The following COBLL1 variants were observed in gnomAD, a reference collection of about 807,000 sequenced individuals.
The protein encoded by COBLL1 is cordon-bleu WH2 repeat protein like 1.
In COBLL1, 50 loss-of-function variants were observed where a neutral mutation model predicts 94.8. That is an observed-to-expected ratio of 0.53 (90% CI 0.42 to 0.67). The LOEUF is 0.67. Among genes scored for constraint, COBLL1 ranks in the 30% least tolerant of loss-of-function variants. The pLI, the probability that COBLL1 is intolerant of heterozygous loss-of-function variation, is 0.00. For synonymous variants in COBLL1, 448 were observed against 473.8 expected (o/e 0.95, Z 0.71); for missense variants, 1,362 against 1,348.7 (o/e 1.01, Z -0.15).
chr2:164,725,107 T>G (rs1454778507), intron 5 of COBLL1: 1 of 89,762 alleles, frequency 1.1e-5, no homozygotes, highest in Admixed American at 1.0e-4. Context: ...GCAGGATATA[T>G]ATATATATAT....
At chr2:164,759,032 A>G (rs754950166) in intron 2 of COBLL1, among the ~76,000 whole-genome samples, 42 of 152,154 alleles carry the variant, frequency 2.8e-4, no homozygotes, top group Admixed American at 1.3e-4. Context: ...TTATTAAAAT[A>G]TATGCACATA....
At position 164,841,407 on chromosome 2, in the gene COBLL1, G is replaced by A. The variant is rs1683608397; in HGVS notation, c.-50-161C>T. The A allele has an allele frequency of 6.9e-6, 8 of 1,166,478 alleles. No individual in the cohort carries two copies. Among genetic ancestry groups the A allele is most frequent in the Non-Finnish European group, 8.5e-6 (8 of 946,624 alleles). 72.3% of individuals were successfully genotyped at this position (1,166,478 alleles called of 1,614,324 possible). A position where few individuals can be genotyped will look rare whatever the true frequency, so the allele number is the denominator to read the frequency against. ...GCGGGCCCCGGCTCCCAGCCCGCGG[G>A]CGCCGCCGCCGTCTCTACAAGGTCT... On this transcript the variant is annotated intron_variant, in intron 1 of 13. Transcript: ENST00000652658. This position sits in a 1 kb window ranked among gnomAD's most constrained non-coding sequence, Gnocchi z 5.5.
At chr2:164,748,573 G>A (rs995934999) in intron 2 of COBLL1, among the ~76,000 whole-genome samples, 7 of 152,098 alleles carry the variant, frequency 4.6e-5, no homozygotes, top group South Asian at 2.1e-4. Flanking sequence ...TGCCATTGAA[G>A]CCTCCTCACC....
At chr2:164,837,359 A>G (rs891413700) in intron 2 of COBLL1, 2 of 381,640 alleles carry the variant, frequency 5.2e-6, no homozygotes, top group African/African-American at 4.3e-5. Flanking sequence ...ATGTCACTTT[A>G]CTAAGTACTA....
intron 11 of COBLL1, chr2:164,698,230 C>T (rs1684055310): frequency 1.3e-5 from 2 of 151,794 alleles, no homozygotes; most frequent in Admixed American, 6.6e-5. Flanking sequence ...CATCACAGTA[C>T]ATGCTGTGAA....
At chr2:164,788,690 T>C (rs1316174824) in intron 2 of COBLL1, among the ~76,000 whole-genome samples, 1 of 152,050 alleles carries the variant, frequency 6.6e-6, no homozygotes, top group Non-Finnish European at 1.5e-5. Flanking sequence ...AATAAATGCA[T>C]GAAAAGTCAG....
chr2:164,738,773 T>C (rs930341704), intron 3 of COBLL1, among the ~76,000 whole-genome samples: 1 of 152,182 alleles, frequency 6.6e-6, no homozygotes, highest in African/African-American at 2.4e-5. Context: ...GCATCTCTAA[T>C]CTGGAAATCC....
intron 2 of COBLL1, chr2:164,779,509 T>G (rs1284536764): frequency 3.1e-6 from 1 of 318,642 alleles, no homozygotes; most frequent in African/African-American, 2.2e-5. Context: ...CCATGTAAGC[T>G]TCAGGAGATG....
intron 2 of COBLL1, among the ~76,000 whole-genome samples, chr2:164,762,887 G>A (rs932648381): frequency 2.0e-5 from 3 of 151,928 alleles, no homozygotes; most frequent in Admixed American, 2.0e-4. Flanking sequence ...TAGTAGAGAC[G>A]GGGTTTCACC....
intron 2 of COBLL1, among the ~76,000 whole-genome samples, chr2:164,799,019 C>CAAAAAAAA (rs555113117): frequency 0.11 from 7,572 of 69,386 alleles, 729 homozygotes; most frequent in East Asian, 0.2. Flanking sequence ...GACTCCGTCT[C>CAAAAAAAA]AAAAAAAAAA....
intron 3 of COBLL1, among the ~76,000 whole-genome samples, chr2:164,733,121 T>G (rs1452204342): frequency 6.6e-6 from 1 of 152,220 alleles, no homozygotes; most frequent in Non-Finnish European, 1.5e-5. Flanking sequence ...TTTATCCCTA[T>G]TTTTGTGCCA....
chr2:164,776,512 A>T (rs1688469840), intron 2 of COBLL1, among the ~76,000 whole-genome samples: 1 of 152,142 alleles, frequency 6.6e-6, no homozygotes, highest in African/African-American at 2.4e-5. Context: ...CTACGGTAGC[A>T]TACCAATTGC....
At chr2:164,705,978 G>T (rs1684573071) in intron 7 of COBLL1, among the ~76,000 whole-genome samples, 1 of 152,196 alleles carries the variant, frequency 6.6e-6, no homozygotes, top group East Asian at 1.9e-4. Flanking sequence ...AGGTGGCAGT[G>T]AGCCAAGATT....
intron 2 of COBLL1, among the ~76,000 whole-genome samples, chr2:164,772,619 T>C (rs1189368924): frequency 6.6e-6 from 1 of 152,060 alleles, no homozygotes; most frequent in Non-Finnish European, 1.5e-5. Flanking sequence ...CACAAAACAA[T>C]GTTAATTCAA....
chr2:164,742,884 C>A (rs1180218170), intron 3 of COBLL1, among the ~76,000 whole-genome samples: 1 of 151,748 alleles, frequency 6.6e-6, no homozygotes, highest in African/African-American at 2.4e-5. Flanking sequence ...AGCGAGCGAG[C>A]TAAGGTCAAA....
At chr2:164,724,957 A>AT in intron 5 of COBLL1, 1 of 151,990 alleles carries the variant, frequency 6.6e-6, no homozygotes, top group South Asian at 2.1e-4. Flanking sequence ...GCAACTAATA[A>AT]TAACGAACAC....
At chr2:164,674,297 G>T (rs2105389362) in intron 1 of COBLL1, among the ~76,000 whole-genome samples, 1 of 152,248 alleles carries the variant, frequency 6.6e-6, no homozygotes, top group Non-Finnish European at 1.5e-5. Context: ...TTGACCTCGT[G>T]ATCTGCCCAC....
rs546540869 is a variant in COBLL1 at position 164,704,226 on chromosome 2, C to A, written c.1225+218G>T. 1.4e-4 allele frequency among the ~76,000 whole-genome samples: 22 copies of A among 152,238 alleles called. 2 individuals are homozygous for A. In the South Asian group the frequency reaches 4.6e-3, roughly 32 times the overall value. On this transcript the variant is annotated intron_variant, in intron 9 of 13. Transcript: ENST00000652658. ...ATAGAAAAAGTACTCAAGGACAATTCCAGAACTGAAATTTTGATCTCTGCC... is the reference window on the plus strand; with the variant it reads ...ATAGAAAAAGTACTCAAGGACAATTACAGAACTGAAATTTTGATCTCTGCC...
intron 2 of COBLL1, among the ~76,000 whole-genome samples, chr2:164,798,785 C>T (rs1683607222): frequency 6.6e-6 from 1 of 151,946 alleles, no homozygotes; most frequent in Non-Finnish European, 1.5e-5. Context: ...TTTGGGAGGC[C>T]AAGGCAGGCG....
Sources: allele counts gnomAD v4.1 joint callset (sites outside exome capture counted in the v4.1 genomes callset), GRCh38; gene constraint gnomAD v4.1.1; non-coding constraint Gnocchi (gnomAD v3.1); transcripts MANE v1.5; gene names NCBI Gene and HGNC (gene_info 2026-07-23, HGNC 2026-07-21).